Variants in CDIP1 observed in about 807,000 individuals in gnomAD.
CDIP1 encodes cell death-inducing p53-target protein 1.
In CDIP1, 9 loss-of-function variants were observed where a neutral mutation model predicts 17.7. That is an observed-to-expected ratio of 0.51 (90% confidence interval 0.31 to 0.89). CDIP1 has a LOEUF of 0.89. Ranked by LOEUF, CDIP1 falls within the 40% of genes least tolerant of loss-of-function variation. The pLI is 0.05. For synonymous variants in CDIP1, 117 were observed against 109.5 expected (o/e 1.07, Z -0.43); for missense variants, 263 against 277.9 (o/e 0.95, Z 0.38).
chr16:4,524,800 T>C (rs188830488), intron 1 of CDIP1, among the ~76,000 whole-genome samples: 26 of 152,336 alleles, frequency 1.7e-4, no homozygotes, highest in African/African-American at 6.3e-4. Context: ...TATTAACAAG[T>C]GTCATTACAA....
intron 1 of CDIP1, among the ~76,000 whole-genome samples, chr16:4,520,198 G>A (rs1242701965): frequency 1.3e-5 from 2 of 151,280 alleles, no homozygotes; most frequent in Non-Finnish European, 2.9e-5. Flanking sequence ...TGCAGCCTCC[G>A]CCTCCCGGGT....
At chr16:4,533,122 C>G (rs2059072366) in intron 1 of CDIP1, 1 of 152,234 alleles carries the variant, frequency 6.6e-6, no homozygotes, top group African/African-American at 2.4e-5. Context: ...TTGAGAAGAA[C>G]TTATAAAAAA....
At chr16:4,525,401 C>T (rs1223678847) in intron 1 of CDIP1, among the ~76,000 whole-genome samples, 3 of 152,140 alleles carry the variant, frequency 2.0e-5, no homozygotes, top group Admixed American at 6.6e-5. Context: ...CTGAGGAGGA[C>T]GATGGCGTGC....
chr16:4,521,629 G>T (rs560862635), intron 1 of CDIP1, among the ~76,000 whole-genome samples: 4 of 150,888 alleles, frequency 2.7e-5, no homozygotes, highest in South Asian at 2.1e-4. Flanking sequence ...CGGGGAGGCC[G>T]AGACGGGAGG....
At chr16:4,516,203 T>C (rs2058885915) in intron 1 of CDIP1, among the ~76,000 whole-genome samples, 1 of 152,188 alleles carries the variant, frequency 6.6e-6, no homozygotes, top group Non-Finnish European at 1.5e-5. Context: ...TTATATGAAA[T>C]GTCCCCAATA....
intron 1 of CDIP1, among the ~76,000 whole-genome samples, chr16:4,528,870 T>G (rs2059027222): frequency 6.6e-6 from 1 of 151,952 alleles, no homozygotes; most frequent in South Asian, 2.1e-4. Flanking sequence ...ATGCCTGTAA[T>G]TCCAGCTACT....
chr16:4,534,019 C>A (rs943253137), intron 1 of CDIP1, among the ~76,000 whole-genome samples: 2 of 152,020 alleles, frequency 1.3e-5, no homozygotes, highest in Non-Finnish European at 2.9e-5. Context: ...GGTGCGATCT[C>A]GGCTAGCTGC....
intron 1 of CDIP1, among the ~76,000 whole-genome samples, chr16:4,535,036 G>C (rs1241835428): frequency 6.6e-6 from 1 of 152,132 alleles, no homozygotes; most frequent in African/African-American, 2.4e-5. Flanking sequence ...AATCAGAATT[G>C]TGACAACCAA....
At chr16:4,529,506 A>G (rs1005277545) in intron 1 of CDIP1, among the ~76,000 whole-genome samples, 7 of 152,238 alleles carry the variant, frequency 4.6e-5, no homozygotes, top group Non-Finnish European at 7.3e-5. Context: ...AAGGAAGCAC[A>G]GACAGGAGGG....
chr16:4,531,874 A>T (rs2059059930), intron 1 of CDIP1, among the ~76,000 whole-genome samples: 1 of 152,212 alleles, frequency 6.6e-6, no homozygotes, highest in South Asian at 2.1e-4. Context: ...ATTTACATAG[A>T]TTTCATGGTA....
Position 4,512,613 on chromosome 16 carries a change from T to C in CDIP1, c.586A>G (p.Ser196Gly). 6.2e-7 allele frequency: 1 copy of C among 1,613,994 alleles called. No homozygotes were observed. The highest frequency in any genetic ancestry group is 8.5e-7 in the Non-Finnish European group (1 of 1,179,968). The change falls in exon 6 of 6, where the codon AGC becomes GGC. Residue 196 changes from serine to glycine, a missense_variant. Physicochemically the swap from Ser to Gly is moderately conservative, Grantham distance 56. Coordinates refer to ENST00000567695, the MANE Select transcript of CDIP1 (RefSeq NM_013399.3). The surrounding 1 kb of genome is among the most constrained non-coding windows in gnomAD (Gnocchi z 4.6). ...TACGTGTAGATGTAGGCTTTGCAGC[T>C]GGGGCATGTGTGCGTCACATCCTTG... Reference protein sequence around the residue: ...DFKDVTHTCPSCKAYIYTYKR... With the variant: ...DFKDVTHTCPGCKAYIYTYKR...
At chr16:4,535,470 T>C (rs976095896) in intron 1 of CDIP1, among the ~76,000 whole-genome samples, 3 of 152,256 alleles carry the variant, frequency 2.0e-5, no homozygotes, top group Non-Finnish European at 4.4e-5. Flanking sequence ...CTGCAGGCTC[T>C]GTATTGGTTT....
intron 1 of CDIP1, among the ~76,000 whole-genome samples, chr16:4,515,877 C>T (rs2058881889): frequency 6.6e-6 from 1 of 152,132 alleles, no homozygotes; most frequent in Non-Finnish European, 1.5e-5. Flanking sequence ...GGCAGTTCCT[C>T]AAAAGGTTAA....
In CDIP1 at chr16:4,512,411, G is replaced by T. The variant is rs535626892; in HGVS notation, c.*161C>A. The T allele has an allele frequency of 4.8e-6, 3 of 624,870 alleles. No homozygotes were observed. In the East Asian group the frequency reaches 8.3e-5, roughly 17 times the overall value. 38.7% of individuals were successfully genotyped at this position (624,870 alleles called of 1,614,324 possible). A position where few individuals can be genotyped will look rare whatever the true frequency, so the allele number is the denominator to read the frequency against. On this transcript the variant is annotated 3_prime_UTR_variant, in exon 6 of 6. Coordinates refer to ENST00000567695, the MANE Select transcript of CDIP1 (RefSeq NM_013399.3). This position sits in a 1 kb window ranked among gnomAD's most constrained non-coding sequence, Gnocchi z 4.6. ...TCCCAACAGAATTTTTGCCAGAAGA[G>T]TCAGCGGCTCAGGTAGGGCAGGGTG...
intron 1 of CDIP1, among the ~76,000 whole-genome samples, chr16:4,537,834 C>T (rs1176958053): frequency 1.3e-5 from 2 of 152,252 alleles, no homozygotes; most frequent in Non-Finnish European, 2.9e-5. Flanking sequence ...CCCCAAGGAA[C>T]TCGCTAAGCC....
At chr16:4,538,653 A>T (rs1221323357) in intron 1 of CDIP1, 49 bp downstream of exon 1, 1 of 152,146 alleles carries the variant, frequency 6.6e-6, no homozygotes, top group African/African-American at 2.4e-5. Context: ...TCCCCCGGGG[A>T]GGAGGGCTCC....
intron 1 of CDIP1, among the ~76,000 whole-genome samples, chr16:4,524,468 G>A (rs1028347714): frequency 9.2e-5 from 14 of 152,170 alleles, no homozygotes; most frequent in African/African-American, 2.9e-4. Flanking sequence ...GAGGGTCCCC[G>A]AGCTTTCTTA....
intron 1 of CDIP1, among the ~76,000 whole-genome samples, chr16:4,523,001 G>A (rs1316125577): frequency 6.6e-6 from 1 of 152,220 alleles, no homozygotes; most frequent in Admixed American, 6.5e-5. Context: ...AACGGGCCAT[G>A]CAGCGTGAGG....
At chr16:4,515,891 T>C (rs1481325160) in intron 1 of CDIP1, among the ~76,000 whole-genome samples, 1 of 152,110 alleles carries the variant, frequency 6.6e-6, no homozygotes, top group East Asian at 1.9e-4. Context: ...AGGTTAAACC[T>C]AGAGTTACCA....
Sources: gnomAD v4.1 joint callset for allele counts (sites outside exome capture counted in the v4.1 genomes callset) on GRCh38, gnomAD v4.1.1 for gene constraint, Gnocchi (gnomAD v3.1) non-coding constraint, MANE v1.5 for transcripts, NCBI Gene and HGNC (gene_info 2026-07-23, HGNC 2026-07-21) for gene names.